Variants in PTPRR observed in about 807,000 individuals in gnomAD.
PTPRR encodes protein tyrosine phosphatase receptor type R, also known as receptor-type tyrosine-protein phosphatase R.
PTPRR carries 38 observed loss-of-function variants against 77.2 expected under a neutral mutation model. The observed-to-expected ratio is 0.49, with a 90% CI of 0.38 to 0.65. The LOEUF is 0.65. Ranked by LOEUF, PTPRR falls within the 30% of genes least tolerant of loss-of-function variation. The pLI is 0.00. For synonymous variants in PTPRR, 299 were observed against 283.1 expected (o/e 1.06, Z -0.57); for missense variants, 744 against 799.2 (o/e 0.93, Z 0.83).
intron 2 of PTPRR, among the ~76,000 whole-genome samples, chr12:70,829,104 T>G (rs1161989987): frequency 6.6e-6 from 1 of 152,058 alleles, no homozygotes; most frequent in Non-Finnish European, 1.5e-5. Flanking sequence ...TCAGTTCCCC[T>G]CAGACAGGTA....
At position 70,873,357 on chromosome 12, in the gene PTPRR, G is replaced by A. The variant is rs1285249400; in HGVS notation, c.357+19322C>T. Among the ~76,000 whole-genome samples the A allele has an allele frequency of 6.6e-5, 10 of 152,158 alleles. No individual in the cohort carries two copies. The South Asian group carries it at 1.7e-3, about 25-fold the overall frequency. On this transcript the variant is annotated intron_variant, in intron 2 of 13. Coordinates refer to ENST00000283228, the MANE Select transcript of PTPRR (RefSeq NM_002849.4). ...AACTTATGCCAGTCAAAATGCCTGG[G>A]AAATGAAGGTGCCTAGGGATTTTAT...
intron 2 of PTPRR, among the ~76,000 whole-genome samples, chr12:70,799,590 C>T (rs1297293885): frequency 2.0e-5 from 3 of 152,056 alleles, no homozygotes; most frequent in Admixed American, 1.3e-4. Flanking sequence ...TATATTTTCA[C>T]ATAGATATGT....
intron 7 of PTPRR, among the ~76,000 whole-genome samples, chr12:70,699,278 C>T (rs1329174806): frequency 3.9e-5 from 6 of 152,046 alleles, no homozygotes; most frequent in Admixed American, 3.3e-4. Context: ...CTTAAACTTT[C>T]TCCAGTAGAA....
chr12:70,794,619 C>T (rs1157280343), intron 2 of PTPRR, among the ~76,000 whole-genome samples: 1 of 152,194 alleles, frequency 6.6e-6, no homozygotes, highest in Admixed American at 6.5e-5. Context: ...CGAGAGAAGA[C>T]TCCCTTTCCT....
chr12:70,855,641 A>G (rs1565719521), intron 2 of PTPRR, among the ~76,000 whole-genome samples: 2 of 152,330 alleles, frequency 1.3e-5, no homozygotes, highest in South Asian at 4.1e-4. Flanking sequence ...TCTTAGACCT[A>G]TGCCATATAT....
chr12:70,870,628 T>C (rs1388672892), intron 2 of PTPRR, among the ~76,000 whole-genome samples: 1 of 152,216 alleles, frequency 6.6e-6, no homozygotes, highest in African/African-American at 2.4e-5. Flanking sequence ...CTCCTGTCAC[T>C]GGAATGTCAA....
chr12:70,822,692 A>G (rs1892037342), intron 2 of PTPRR, among the ~76,000 whole-genome samples: 1 of 152,058 alleles, frequency 6.6e-6, no homozygotes. Context: ...AAATTAAATC[A>G]CTCTATCCAT....
intron 2 of PTPRR, among the ~76,000 whole-genome samples, chr12:70,837,057 A>C (rs186078819): frequency 7.2e-5 from 11 of 152,222 alleles, no homozygotes; most frequent in Admixed American, 6.6e-4. Context: ...CCAAATAAGA[A>C]GTCTGTTAAG....
intron 3 of PTPRR, among the ~76,000 whole-genome samples, chr12:70,764,308 G>A (rs944104114): frequency 2.0e-5 from 3 of 151,964 alleles, no homozygotes; most frequent in East Asian, 1.9e-4. Flanking sequence ...GAATATTTTC[G>A]GAGTAGTGTC....
chr12:70,705,155 C>T (rs995604379), intron 6 of PTPRR, among the ~76,000 whole-genome samples: 4 of 151,930 alleles, frequency 2.6e-5, no homozygotes, highest in Non-Finnish European at 4.4e-5. Context: ...TGGGCCAGGG[C>T]GACACATCCA....
rs78327331 is a variant in PTPRR, at chr12:70,696,052, T to C, written c.1279+2213A>G. Among the ~76,000 whole-genome samples, 22 of 152,338 alleles carry C rather than the reference T, an allele frequency of 1.4e-4. No individual in the cohort carries two copies. The East Asian group carries it at 4.0e-3, about 28-fold the overall frequency. ...TAAATTATGAAGATTGCTATTTCAA[T>C]GTCAAAAGTTAAAAAGACTTTGTGG... On this transcript the variant is annotated intron_variant, in intron 8 of 13. Transcript: ENST00000283228.
chr12:70,731,590 C>G (rs992142959), intron 6 of PTPRR, among the ~76,000 whole-genome samples: 2 of 152,142 alleles, frequency 1.3e-5, no homozygotes, highest in Non-Finnish European at 2.9e-5. Flanking sequence ...GGGCCACGAC[C>G]ACAGACCTTA....
intron 10 of PTPRR, among the ~76,000 whole-genome samples, chr12:70,679,288 C>T (rs1012358568): frequency 2.0e-5 from 3 of 152,128 alleles, no homozygotes; most frequent in African/African-American, 2.4e-5. Flanking sequence ...GGTCAGAAAA[C>T]ATATTTAAAA....
intron 2 of PTPRR, chr12:70,788,887 A>G: frequency 2.7e-6 from 4 of 1,505,256 alleles, no homozygotes; most frequent in Non-Finnish European, 3.5e-6. Flanking sequence ...TTATTTCCTT[A>G]CCATAGCAAG....
intron 6 of PTPRR, among the ~76,000 whole-genome samples, chr12:70,712,692 T>A (rs573554615): frequency 6.6e-6 from 1 of 152,102 alleles, no homozygotes; most frequent in South Asian, 2.1e-4. Flanking sequence ...AAGGACGTTT[T>A]TATGCTTGCT....
intron 2 of PTPRR, among the ~76,000 whole-genome samples, chr12:70,817,830 C>G (rs750686924): frequency 2.6e-5 from 4 of 152,166 alleles, no homozygotes; most frequent in Non-Finnish European, 5.9e-5. Context: ...GTTTATTTGA[C>G]CTAAACCATT....
At chr12:70,673,240 C>T (rs1224836233) in intron 10 of PTPRR, among the ~76,000 whole-genome samples, 2 of 152,044 alleles carry the variant, frequency 1.3e-5, no homozygotes, top group African/African-American at 2.4e-5. Flanking sequence ...ATGTCTTCTG[C>T]CTAACCAGCA....
chr12:70,732,080 T>C lies in PTPRR; in HGVS notation c.1007+13738A>G, dbSNP rs185331456. Among the ~76,000 whole-genome samples, 140 of 152,372 alleles carry C rather than the reference T, an allele frequency of 9.2e-4. 1 individual carries two copies. Among genetic ancestry groups the C allele is most frequent in the African/African-American group, 3.3e-3 (137 of 41,586 alleles). On this transcript the variant is annotated intron_variant, in intron 6 of 13. Coordinates refer to ENST00000283228, the MANE Select transcript of PTPRR (RefSeq NM_002849.4). The stretch of plus-strand genomic sequence containing the variant: ...TGTTTGAGTAGGGCTGACCATCCTC[T>C]GGAGACTGACAAGATGAAGGATCCA...
At chr12:70,675,717 A>AT (rs925109120) in intron 10 of PTPRR, among the ~76,000 whole-genome samples, 4 of 151,192 alleles carry the variant, frequency 2.6e-5, no homozygotes, top group African/African-American at 9.7e-5. Context: ...TTTTGGTAAG[A>AT]TTTTTTTTGG....
Sources: allele counts gnomAD v4.1 joint callset (sites outside exome capture counted in the v4.1 genomes callset), GRCh38; gene constraint gnomAD v4.1.1; transcripts MANE v1.5; gene names NCBI Gene and HGNC (gene_info 2026-07-23, HGNC 2026-07-21).